The following TBL1XR1 variants were observed in gnomAD, a reference collection of about 807,000 sequenced individuals.
TBL1XR1 encodes TBL1X/Y related 1.
TBL1XR1 carries 5 observed loss-of-function variants against 66.9 expected under a neutral mutation model. The observed-to-expected ratio is 0.07, with a 90% CI of 0.04 to 0.16. The LOEUF (loss-of-function observed/expected upper bound fraction) is 0.16. Ranked by LOEUF, TBL1XR1 falls within the 10% of genes least tolerant of loss-of-function variation. The probability of loss-of-function intolerance (pLI) is 1.00; values close to 1 mark genes in which losing one functional copy is unlikely to be tolerated. For missense variants in TBL1XR1, 238 were observed against 623.2 expected (o/e 0.38, Z 6.58); for synonymous variants, 210 against 206.0 (o/e 1.02, Z -0.17).
At chr3:177,034,376 A>G in intron 12 of TBL1XR1, 51 bp from the exon 13 acceptor site, 1 of 1,305,980 alleles carries the variant, frequency 7.7e-7, no homozygotes, top group South Asian at 1.7e-5. Flanking sequence ...CAATGAGTAT[A>G]TTTAAAATAT....
At chr3:177,151,505 CCTT>C (rs1730882551) in intron 1 of TBL1XR1, among the ~76,000 whole-genome samples, 2 of 152,126 alleles carry the variant, frequency 1.3e-5, no homozygotes, top group African/African-American at 2.4e-5. Flanking sequence ...ACTGTACGCT[CCTT>C]ATGAGAATCT....
chr3:177,028,113 T>C (rs1249389585), intron 14 of TBL1XR1, among the ~76,000 whole-genome samples: 5 of 152,156 alleles, frequency 3.3e-5, no homozygotes, highest in Non-Finnish European at 5.9e-5. Context: ...ATGGCTCAGA[T>C]CATCGGCATC....
intron 1 of TBL1XR1, among the ~76,000 whole-genome samples, chr3:177,126,604 C>G (rs1727661405): frequency 6.6e-6 from 1 of 152,102 alleles, no homozygotes; most frequent in African/African-American, 2.4e-5. Context: ...ACTTGTAACA[C>G]CCATAAAATA....
intron 4 of TBL1XR1, among the ~76,000 whole-genome samples, chr3:177,052,794 C>A (rs1464377289): frequency 2.0e-5 from 3 of 152,056 alleles, no homozygotes; most frequent in Non-Finnish European, 2.9e-5. Flanking sequence ...GGGAAAAGCT[C>A]CTCACTATAG....
chr3:177,116,886 G>C (rs1560194337), intron 1 of TBL1XR1, among the ~76,000 whole-genome samples: 1 of 152,174 alleles, frequency 6.6e-6, no homozygotes, highest in African/African-American at 2.4e-5. Context: ...GGGAAACACT[G>C]AACTGTCCTT....
intron 1 of TBL1XR1, among the ~76,000 whole-genome samples, chr3:177,107,787 G>T (rs774104905): frequency 2.6e-5 from 4 of 152,056 alleles, no homozygotes; most frequent in Non-Finnish European, 4.4e-5. Flanking sequence ...CAGCACCCAA[G>T]TTACGATAAT....
chr3:177,135,333 G>GTGTGTGTGTGTGTGTGTGTATACA (rs1560213907), intron 1 of TBL1XR1, among the ~76,000 whole-genome samples: 26 of 53,792 alleles, frequency 4.8e-4, no homozygotes, highest in Admixed American at 1.0e-3. Context: ...GTGTGTGTGT[G>GTGTGTGTGTGTGTGTGTGTATACA]TATACATATA....
intron 1 of TBL1XR1, among the ~76,000 whole-genome samples, chr3:177,116,080 C>T (rs1048560639): frequency 2.0e-5 from 3 of 152,142 alleles, no homozygotes; most frequent in Non-Finnish European, 4.4e-5. Context: ...GGCAATAAAC[C>T]TGATGGAATT....
chr3:177,137,584 A>G (rs1003608057), intron 1 of TBL1XR1, among the ~76,000 whole-genome samples: 2 of 152,256 alleles, frequency 1.3e-5, no homozygotes, highest in Admixed American at 6.5e-5. Flanking sequence ...ACAGTCATAA[A>G]TTAGCCAATT....
intron 3 of TBL1XR1, among the ~76,000 whole-genome samples, chr3:177,057,983 T>G (rs1718016226): frequency 6.6e-6 from 1 of 152,166 alleles, no homozygotes; most frequent in Non-Finnish European, 1.5e-5. Flanking sequence ...CAGGAAGTGC[T>G]TTCTGTAAGG....
At chr3:177,064,830 T>A (rs1718952048) in intron 3 of TBL1XR1, 90 bp downstream of exon 3, 1 of 909,830 alleles carries the variant, frequency 1.1e-6, no homozygotes, top group African/African-American at 1.7e-5. Context: ...AGTTCAACGG[T>A]TTGGACTGAT....
At chr3:177,091,284 T>TATTATGTA (rs1722812827) in intron 2 of TBL1XR1, 3 of 152,140 alleles carry the variant, frequency 2.0e-5, no homozygotes, top group Non-Finnish European at 4.4e-5. Flanking sequence ...TATATTATGT[T>TATTATGTA]TATTTTCTAC....
intron 1 of TBL1XR1, among the ~76,000 whole-genome samples, chr3:177,100,795 A>G (rs13315476): frequency 0.11 from 16,882 of 152,054 alleles, 1,124 homozygotes; most frequent in Admixed American, 0.18. Context: ...AAATGATTAG[A>G]TAATAGCAAG....
At chr3:177,052,604 A>C (rs943776223) in intron 4 of TBL1XR1, among the ~76,000 whole-genome samples, 2 of 152,236 alleles carry the variant, frequency 1.3e-5, no homozygotes, top group Non-Finnish European at 2.9e-5. Context: ...CATTTTAAGA[A>C]AAAATTTAGT....
chr3:177,035,819 G>A (rs868405745), intron 12 of TBL1XR1, among the ~76,000 whole-genome samples: 3 of 152,112 alleles, frequency 2.0e-5, no homozygotes, highest in African/African-American at 7.2e-5. Flanking sequence ...GAGGGTGTCC[G>A]AGCCATTTAC....
chr3:177,050,465 T>C lies in TBL1XR1; in HGVS notation c.560+13A>G, dbSNP rs929108816. The C allele has an allele frequency of 6.2e-7, 1 of 1,613,170 alleles. No individual in the cohort carries two copies. ...ATTTTTAAGTCATTTTAGTATCACT[T>C]TGAGAAACATACCCTGATGCTAGGA... On this transcript the variant is annotated intron_variant, in intron 6 of 15. Coordinates refer to ENST00000457928, the MANE Select transcript of TBL1XR1 (RefSeq NM_024665.7).
Position 177,031,337 on chromosome 3 carries a change from T to A in TBL1XR1, c.1416+1634A>T, listed in dbSNP as rs181565824. Among the ~76,000 whole-genome samples the A allele has an allele frequency of 7.4e-4, 112 of 151,824 alleles. 1 individual carries two copies. Among genetic ancestry groups the A allele is most frequent in the African/African-American group, 2.5e-3 (104 of 41,480 alleles). ...TAAAGCAGAACATTTTTACTTAATT[T>A]TTATTTTTTTTTTTTGAGACAGGGT... is the stretch of plus-strand genomic sequence containing the variant. On this transcript the variant is annotated intron_variant, in intron 14 of 15. Transcript: ENST00000457928.
intron 7 of TBL1XR1, among the ~76,000 whole-genome samples, chr3:177,048,938 T>A (rs1360173194): frequency 6.6e-6 from 1 of 152,192 alleles, no homozygotes; most frequent in Non-Finnish European, 1.5e-5. Context: ...ATATCTGAAC[T>A]AAAATATAAT....
intron 1 of TBL1XR1, among the ~76,000 whole-genome samples, chr3:177,189,571 C>T (rs1735858573): frequency 6.7e-6 from 1 of 149,516 alleles, no homozygotes; most frequent in South Asian, 2.1e-4. Flanking sequence ...AGGAGAATCG[C>T]TTGAACCCAG....
Sources: allele counts gnomAD v4.1 joint callset (sites outside exome capture counted in the v4.1 genomes callset), GRCh38; gene constraint gnomAD v4.1.1; transcripts MANE v1.5; gene names NCBI Gene and HGNC (gene_info 2026-07-23, HGNC 2026-07-21).